The following RNF123 variants were observed in gnomAD, a reference collection of about 807,000 sequenced individuals.
RNF123 encodes the protein E3 ubiquitin-protein ligase RNF123.
RNF123 carries 86 observed loss-of-function variants against 168.5 expected under a neutral mutation model. The observed-to-expected ratio is 0.51, with a 90% confidence interval of 0.43 to 0.61. The LOEUF is 0.61. Among genes scored for constraint, RNF123 ranks in the 20% least tolerant of loss-of-function variants. The pLI is 0.00. For synonymous variants in RNF123, 666 were observed against 689.1 expected, an observed-to-expected ratio of 0.97 and a Z score of 0.52; for missense variants, 1,419 against 1,729.7, an observed-to-expected ratio of 0.82 and a Z score of 3.19.
rs902396067 is a variant in RNF123 at position 49,699,234 on chromosome 3, C to T, written c.764+129C>T. 2 of 1,313,258 alleles carry T rather than the reference C, an allele frequency of 1.5e-6. No individual in the cohort carries two copies. Among genetic ancestry groups the T allele is most frequent in the African/African-American group, 1.5e-5 (1 of 67,628 alleles). The allele number at this position is 1,313,258 out of a possible 1,614,324, so 81.4% of individuals were successfully genotyped here. A position where few individuals can be genotyped will look rare whatever the true frequency, so the allele number is the denominator to read the frequency against. On this transcript the variant is annotated intron_variant, in intron 10 of 38. Coordinates refer to ENST00000327697, the MANE Select transcript of RNF123 (RefSeq NM_022064.5). The surrounding 1 kb of genome is among the most constrained non-coding windows in gnomAD (Gnocchi z 4.8). ...GGCTGCTGCAGAGTTAGTGGGGGGC[C>T]ATGTAGAGTGTCGAAGAAAACTTTC...
In RNF123 at chr3:49,720,627, AC is replaced by A. The variant is rs1287727536; in HGVS notation, c.3619del (p.Arg1207GlyfsTer28). On this transcript the variant is annotated frameshift_variant, in exon 36 of 39. Coordinates refer to ENST00000327697, the MANE Select transcript of RNF123 (RefSeq NM_022064.5). LOFTEE classifies it high-confidence loss of function. ...PAPGTALPAPDRKRFSLQSYA... is the reference protein window; with the variant it reads ...PAPGTALPAPXRKRFSLQSYA... ...CCTGGCACTGCTCTGCCAGCCCCTG[AC>A]CGGAAGCGCTTCTCCCTGCAGAGCT... 2 of 1,602,824 alleles carry A rather than the reference AC, an allele frequency of 1.2e-6. No individual in the cohort carries two copies. The highest frequency in any genetic ancestry group is 3.4e-5 in the Admixed American group (2 of 59,426).
chr3:49,699,501 C>T lies in RNF123; in HGVS notation c.798C>T (p.Asp266=). Residue 266 remains aspartate, a synonymous_variant, in exon 11 of 39, where the codon GAC becomes GAT. Coordinates refer to ENST00000327697, the MANE Select transcript of RNF123 (RefSeq NM_022064.5). This position sits in a 1 kb window ranked among gnomAD's most constrained non-coding sequence, Gnocchi z 4.8. Reference sequence around the variant, plus strand: ...TGGCAGGCTACCGGCCCCTGCAGGACCCACCGAGTGCTGACCTGGTGCGGG... The same window carrying T: ...TGGCAGGCTACCGGCCCCTGCAGGATCCACCGAGTGCTGACCTGGTGCGGG... ...YPVAGYRPLQ[D]PPSADLVRAQ... 4.3e-6 allele frequency: 7 copies of T among 1,610,406 alleles called. No individual in the cohort carries two copies. Among genetic ancestry groups the T allele is most frequent in the Non-Finnish European group, 5.1e-6 (6 of 1,178,752 alleles).
intron 1 of RNF123, 197 bp downstream of exon 1, chr3:49,689,803 T>G (rs1423147385): frequency 6.6e-6 from 1 of 152,174 alleles, no homozygotes; most frequent in Non-Finnish European, 1.5e-5. Flanking sequence ...GCCCTCGCCG[T>G]CCTTGGGCTC....
At chr3:49,697,037 G>GAGTC (rs764765240) in intron 3 of RNF123, 106 bp from the exon 4 acceptor site, 1 of 933,030 alleles carries the variant, frequency 1.1e-6, no homozygotes, top group Non-Finnish European at 1.7e-6. Context: ...CCTTTTTCTG[G>GAGTC]AGTCTAGGCA....
intron 35 of RNF123, chr3:49,719,287 G>C: frequency 6.2e-7 from 1 of 1,613,272 alleles, no homozygotes; most frequent in Non-Finnish European, 8.5e-7. Flanking sequence ...AGTAGCGGCA[G>C]GTAACTCGGC....
rs778162830 is a variant in RNF123 at position 49,702,599 on chromosome 3, G to A, written c.1630-34G>A. The A allele has an allele frequency of 3.7e-6, 6 of 1,614,186 alleles. No individual in the cohort carries two copies. In the South Asian group the frequency reaches 5.5e-5, roughly 15 times the overall value. On this transcript the variant is annotated intron_variant, in intron 19 of 38. Coordinates refer to ENST00000327697, the MANE Select transcript of RNF123 (RefSeq NM_022064.5). ...GAGGAATGGGCAAGGCACTGGACTG[G>A]CACCAATGCATGTTTCATGCCTGGT...
rs76989089 is a variant in RNF123 at position 49,705,577 on chromosome 3, C to G, written c.2202C>G (p.Pro734=). Residue 734 remains proline, a synonymous_variant, in exon 24 of 39, where the codon CCC becomes CCG. Coordinates refer to ENST00000327697, the MANE Select transcript of RNF123 (RefSeq NM_022064.5). Reference sequence around the variant, plus strand: ...ATGAGGGCTTGCTGCTGGGGCGGCCCCCCGAGGAGCCTGAGCAGCCCCTCA... The same window carrying G: ...ATGAGGGCTTGCTGCTGGGGCGGCCGCCCGAGGAGCCTGAGCAGCCCCTCA... The part of the protein sequence containing the change: ...HWNEGLLLGR[P]PEEPEQPLTE... 53,809 of 1,610,146 alleles carry G rather than the reference C, an allele frequency of 0.033. 1,025 individuals carry two copies. Among genetic ancestry groups the G allele is most frequent in the Non-Finnish European group, 0.039 (45,804 of 1,178,408 alleles).
Position 49,712,639 on chromosome 3 carries a change from G to T in RNF123, c.2657G>T (p.Ser886Ile), listed in dbSNP as rs756766619. The T allele has an allele frequency of 3.1e-5, 50 of 1,614,192 alleles. No homozygotes were observed. Among genetic ancestry groups the T allele is most frequent in the Non-Finnish European group, 4.2e-5 (50 of 1,180,042 alleles). Residue 886 changes from serine (S) to isoleucine (I), a missense_variant, in exon 27 of 39, where the codon AGC becomes ATC. Coordinates refer to ENST00000327697, the MANE Select transcript of RNF123 (RefSeq NM_022064.5). ...ALKNYFGPVH[S>I]MEELPGYEET... Reference sequence around the variant, plus strand: ...AAGAATTACTTTGGTCCCGTGCACAGCATGGAGGAGCTCCCAGGTGATGGA... The same window carrying T: ...AAGAATTACTTTGGTCCCGTGCACATCATGGAGGAGCTCCCAGGTGATGGA...
Position 49,703,490 on chromosome 3 carries a change from T to TG in RNF123, c.1820dup (p.Leu608ProfsTer12), listed in dbSNP as rs770387471. 4 of 1,614,104 alleles carry TG rather than the reference T, an allele frequency of 2.5e-6. No individual in the cohort carries two copies. The highest frequency in any genetic ancestry group is 3.4e-6 in the Non-Finnish European group (4 of 1,179,976). ...GTGGACTACTTTGACCTGCAGCGCC[T>TG]GGGGGGCCTCCTCTCGCACCTGCGG... is the stretch of plus-strand genomic sequence containing the variant. On this transcript the variant is annotated frameshift_variant, in exon 21 of 39. Coordinates refer to ENST00000327697, the MANE Select transcript of RNF123 (RefSeq NM_022064.5). LOFTEE classifies it high-confidence loss of function.
intron 35 of RNF123, chr3:49,719,119 A>C: frequency 6.2e-7 from 1 of 1,613,564 alleles, no homozygotes; most frequent in Middle Eastern, 1.6e-4. Context: ...GTTAGATGAT[A>C]GATCGAGCAG....
intron 19 of RNF123, 57 bp from the exon 20 acceptor site, chr3:49,702,576 G>A (rs1459117338): frequency 6.2e-7 from 1 of 1,613,536 alleles, no homozygotes; most frequent in Non-Finnish European, 8.5e-7. Context: ...CCTTGGATGA[G>A]GAATGGGCAA....
Position 49,698,743 on chromosome 3 carries a change from C to T in RNF123, c.571-12C>T. On this transcript the variant is annotated splice_polypyrimidine_tract_variant and intron_variant, in intron 8 of 38. Transcript: ENST00000327697. Reference sequence around the variant, plus strand: ...GCTTCTGTGCATCTGGTGAGGCCTCCTCTCATGGCAGGCGTGGGCAGCGGG... The same window carrying T: ...GCTTCTGTGCATCTGGTGAGGCCTCTTCTCATGGCAGGCGTGGGCAGCGGG... 1 of 1,612,894 alleles carries T rather than the reference C, an allele frequency of 6.2e-7. No individual in the cohort carries two copies. Among genetic ancestry groups the T allele is most frequent in the South Asian group, 1.1e-5 (1 of 90,940 alleles).
At chr3:49,718,258 A>G (rs774796110) in intron 35 of RNF123, 4 of 1,612,140 alleles carry the variant, frequency 2.5e-6, no homozygotes, top group Admixed American at 1.7e-5. Context: ...GGGTGGGGCG[A>G]ACAGGTAGAG....
chr3:49,701,759 C>T lies in RNF123; in HGVS notation c.1396-52C>T, dbSNP rs947060912. 10 of 1,531,332 alleles carry T rather than the reference C, an allele frequency of 6.5e-6. No homozygotes were observed. The African/African-American group carries it at 1.4e-4, about 21-fold the overall frequency. 94.9% of individuals were successfully genotyped at this position (1,531,332 alleles called of 1,614,324 possible). On this transcript the variant is annotated intron_variant, in intron 16 of 38. Transcript: ENST00000327697. ...TGTGGGTGTTCTGAGTGAAGGAGGC[C>T]TGGCTAGGTCCCAGGTGACCCTGCT...
chr3:49,720,705 G>A, intron 36 of RNF123, 52 bp downstream of exon 36: 1 of 1,602,090 alleles, frequency 6.2e-7, no homozygotes, highest in African/African-American at 1.3e-5. Flanking sequence ...GGTCGGGTCA[G>A]GAGCCTTAAG....
At chr3:49,692,873 T>C (rs1031198087) in intron 3 of RNF123, among the ~76,000 whole-genome samples, 1 of 152,236 alleles carries the variant, frequency 6.6e-6, no homozygotes, top group Non-Finnish European at 1.5e-5. Context: ...TTTATTCATC[T>C]GTTGATGGAC....
rs759596527 is a variant in RNF123, at chr3:49,716,415, T to C, written c.3438T>C (p.Tyr1146=). 9.9e-6 allele frequency: 16 copies of C among 1,613,910 alleles called. No homozygotes were observed. In the South Asian group the frequency reaches 1.4e-4, roughly 14 times the overall value. ...RLPGLESVDH[Y]PILVAVTGIL... is the part of the protein sequence containing the mutation. The stretch of plus-strand genomic sequence containing the variant: ...CAGGCCTAGAGAGCGTGGACCACTA[T>C]CCCATTCTGGTGGCAGTGACGGGCA... Residue 1146 remains tyrosine, a synonymous_variant, in exon 35 of 39, where the codon TAT becomes TAC. Coordinates refer to ENST00000327697, the MANE Select transcript of RNF123 (RefSeq NM_022064.5).
rs2054510937 is a variant in RNF123 at position 49,706,033 on chromosome 3, A to C, written c.2356A>C (p.Thr786Pro). 1.9e-6 allele frequency: 3 copies of C among 1,614,056 alleles called. No homozygotes were observed. In the South Asian group the frequency reaches 3.3e-5, roughly 18 times the overall value. ...TGAATACGCTATGGCTCTGAGGGAC[A>C]CAGAGGACAAGCTCCGCCGGTGCCC... ...VNEYAMALRD[T>P]EDKLRRCPKR... The change falls in exon 25 of 39, where the codon ACA becomes CCA. Residue 786 changes from threonine (T) to proline (P), a missense_variant. By Grantham distance (38) the Thr-to-Pro change is conservative. This residue lies in a region of RNF123 where 538 missense variants were observed against 708.8 expected (regional missense o/e 0.76). Coordinates refer to ENST00000327697, the MANE Select transcript of RNF123 (RefSeq NM_022064.5).
intron 35 of RNF123, chr3:49,719,030 C>T (rs773696500): frequency 6.2e-7 from 1 of 1,613,904 alleles, no homozygotes; most frequent in Non-Finnish European, 8.5e-7. Context: ...TCCAAGTGCA[C>T]CAAGCGGTTA....
Sources: allele counts gnomAD v4.1 joint callset (sites outside exome capture counted in the v4.1 genomes callset), GRCh38; gene constraint gnomAD v4.1.1; regional missense constraint gnomAD v4.1.1; non-coding constraint Gnocchi (gnomAD v3.1); transcripts MANE v1.5; gene names NCBI Gene and HGNC (gene_info 2026-07-23, HGNC 2026-07-21).